Variants in INPP4A observed in about 807,000 individuals in gnomAD.
INPP4A encodes the protein inositol polyphosphate-4-phosphatase, type I, 107kD.
Under a neutral mutation model 119.8 loss-of-function variants are expected in INPP4A, and 33 were observed. That is an observed-to-expected ratio of 0.28 (90% CI 0.21 to 0.37). The LOEUF (loss-of-function observed/expected upper bound fraction) is 0.37, where lower values mean the gene tolerates loss of function less well. INPP4A is among the 10% of genes least tolerant of loss of function. INPP4A has a pLI of 1.00. For synonymous variants in INPP4A, 496 were observed against 500.7 expected (o/e 0.99, Z 0.12); for missense variants, 956 against 1,289.9 (o/e 0.74, Z 3.97).
intron 24 of INPP4A, among the ~76,000 whole-genome samples, chr2:98,581,024 G>C (rs1699220398): frequency 1.3e-5 from 2 of 152,244 alleles, no homozygotes; most frequent in Admixed American, 6.5e-5. Flanking sequence ...GCTGGTGGGG[G>C]CTCTGCGCTT....
At chr2:98,490,292 G>A (rs1326998019) in intron 1 of INPP4A, among the ~76,000 whole-genome samples, 1 of 152,054 alleles carries the variant, frequency 6.6e-6, no homozygotes, top group African/African-American at 2.4e-5. Flanking sequence ...AGGGCTGGGT[G>A]TCTCATCCGG....
At chr2:98,528,533 C>T (rs532802764) in intron 4 of INPP4A, among the ~76,000 whole-genome samples, 2 of 152,090 alleles carry the variant, frequency 1.3e-5, no homozygotes, top group Non-Finnish European at 1.5e-5. Flanking sequence ...TGATGGAAAA[C>T]ATGAATCTAC....
intron 1 of INPP4A, among the ~76,000 whole-genome samples, chr2:98,447,835 CAGG>C (rs1009289327): frequency 4.6e-5 from 7 of 152,120 alleles, no homozygotes; most frequent in African/African-American, 1.7e-4. Context: ...ATCACAAGAT[CAGG>C]AGATCGAGAC....
chr2:98,466,692 C>T (rs937464609), intron 1 of INPP4A, among the ~76,000 whole-genome samples: 1 of 152,182 alleles, frequency 6.6e-6, no homozygotes, highest in South Asian at 2.1e-4. Context: ...ATAGACCCAT[C>T]GCCAAACTCA....
At chr2:98,573,529 C>A (rs527505561) in intron 23 of INPP4A, among the ~76,000 whole-genome samples, 1 of 152,162 alleles carries the variant, frequency 6.6e-6, no homozygotes, top group Non-Finnish European at 1.5e-5. Flanking sequence ...GTGGCATTCC[C>A]GCTCCCTGCC....
chr2:98,589,418 T>C lies in INPP4A; in HGVS notation c.*1810T>C. The C allele has an allele frequency of 5.4e-6, 1 of 183,650 alleles. No individual in the cohort carries two copies. The highest frequency in any genetic ancestry group is 8.9e-5 in the East Asian group (1 of 11,256). The allele number at this position is 183,650 out of a possible 1,614,324, so 11.4% of individuals were successfully genotyped here. A position where few individuals can be genotyped will look rare whatever the true frequency, so the allele number is the denominator to read the frequency against. Reference sequence around the variant, plus strand: ...TAACTTTTAAAAAATCTCCTTGCTTTTTAAAAATAAATATTACCCACATAG... The same window carrying C: ...TAACTTTTAAAAAATCTCCTTGCTTCTTAAAAATAAATATTACCCACATAG... On this transcript the variant is annotated 3_prime_UTR_variant, in exon 25 of 25. Coordinates refer to ENST00000409851, the MANE Select transcript of INPP4A (RefSeq NM_001134225.2).
Position 98,590,699 on chromosome 2 carries a change from G to A in INPP4A, c.*3091G>A, listed in dbSNP as rs927413029. 7 of 216,844 alleles carry A rather than the reference G, an allele frequency of 3.2e-5. No individual in the cohort carries two copies. Among genetic ancestry groups the A allele is most frequent in the Middle Eastern group, 1.4e-3 (1 of 730 alleles). 13.4% of individuals were successfully genotyped at this position (216,844 alleles called of 1,614,324 possible). On this transcript the variant is annotated 3_prime_UTR_variant, in exon 25 of 25. Transcript: ENST00000409851. ...GGACTGCATCTTGCACCACTGTGCCGTCTTCTAGGCACACACGACCCGTTA... is the reference window on the plus strand; with the variant it reads ...GGACTGCATCTTGCACCACTGTGCCATCTTCTAGGCACACACGACCCGTTA...
chr2:98,492,150 A>G (rs530995378), intron 1 of INPP4A, among the ~76,000 whole-genome samples: 1 of 152,204 alleles, frequency 6.6e-6, no homozygotes, highest in East Asian at 1.9e-4. Context: ...CAGCCTCCCA[A>G]ACTGCTGGGA....
intron 1 of INPP4A, among the ~76,000 whole-genome samples, chr2:98,445,485 A>G (rs1450522450): frequency 6.6e-6 from 1 of 152,218 alleles, no homozygotes; most frequent in Non-Finnish European, 1.5e-5. Flanking sequence ...TCCGTGTGGG[A>G]AATCTGGTCT....
At chr2:98,534,228 C>G (rs536199722) in intron 5 of INPP4A, among the ~76,000 whole-genome samples, 2 of 152,372 alleles carry the variant, frequency 1.3e-5, no homozygotes, top group East Asian at 3.9e-4. Context: ...ACCTACACAT[C>G]TAGCATAGTG....
At chr2:98,448,015 C>T (rs1694506684) in intron 1 of INPP4A, among the ~76,000 whole-genome samples, 2 of 145,600 alleles carry the variant, frequency 1.4e-5, no homozygotes, top group Non-Finnish European at 3.0e-5. Context: ...CCACTGCACT[C>T]CAGCCTGGAG....
At chr2:98,465,875 G>A (rs759301529) in intron 1 of INPP4A, among the ~76,000 whole-genome samples, 1 of 152,108 alleles carries the variant, frequency 6.6e-6, no homozygotes, top group South Asian at 2.1e-4. Context: ...AGCAGACGGT[G>A]GCTTGGGTCT....
At chr2:98,516,755 A>T (rs1574865572) in intron 1 of INPP4A, among the ~76,000 whole-genome samples, 1 of 152,152 alleles carries the variant, frequency 6.6e-6, no homozygotes, top group African/African-American at 2.4e-5. Context: ...GCAAATCTTC[A>T]GTGACACAAG....
At position 98,552,805 on chromosome 2, in the gene INPP4A, T is replaced by C. The variant is rs1380049804; in HGVS notation, c.1183T>C (p.Ser395Pro). Residue 395 changes from serine (S) to proline (P), a missense_variant, in exon 14 of 25, where the codon TCC becomes CCC. Transcript: ENST00000409851. ...TTCCAGTACATCATCTGGCTGCCAG[T>C]CCATAATCTACATACCCCAGGATGT... ...TKKHTSSGCQ[S>P]IIYIPQDVVR... 1.2e-6 allele frequency: 2 copies of C among 1,613,380 alleles called. No homozygotes were observed. The highest frequency in any genetic ancestry group is 1.1e-5 in the South Asian group (1 of 91,032).
intron 1 of INPP4A, among the ~76,000 whole-genome samples, chr2:98,494,180 A>G (rs751931957): frequency 6.6e-6 from 1 of 152,164 alleles, no homozygotes; most frequent in Non-Finnish European, 1.5e-5. Flanking sequence ...CTAAGTTCCC[A>G]TCAAGGGCTA....
chr2:98,523,366 G>T (rs541946790), intron 4 of INPP4A, among the ~76,000 whole-genome samples: 3 of 151,448 alleles, frequency 2.0e-5, no homozygotes, highest in African/African-American at 4.8e-5. Context: ...TTTTACCCCA[G>T]TTTTTTTTGT....
intron 11 of INPP4A, among the ~76,000 whole-genome samples, chr2:98,544,485 G>A (rs1352706693): frequency 2.0e-5 from 3 of 152,220 alleles, no homozygotes; most frequent in Non-Finnish European, 4.4e-5. Context: ...GAATTGTTAA[G>A]GGGTAACTCT....
intron 1 of INPP4A, among the ~76,000 whole-genome samples, chr2:98,501,999 T>G (rs1269727649): frequency 6.6e-6 from 1 of 152,204 alleles, no homozygotes; most frequent in Non-Finnish European, 1.5e-5. Context: ...CTCAGTTATC[T>G]TCGTACATCA....
chr2:98,457,187 C>T (rs913994903), intron 1 of INPP4A, among the ~76,000 whole-genome samples: 32 of 152,360 alleles, frequency 2.1e-4, no homozygotes, highest in African/African-American at 7.5e-4. Flanking sequence ...ACTGGCCACC[C>T]TGCCTCAGCC....
Sources: gnomAD v4.1 joint callset for allele counts (sites outside exome capture counted in the v4.1 genomes callset) on GRCh38, gnomAD v4.1.1 for gene constraint, MANE v1.5 for transcripts, NCBI Gene and HGNC (gene_info 2026-07-23, HGNC 2026-07-21) for gene names.